TIMELESS: variants seen among roughly 807,000 people sequenced by gnomAD.
TIMELESS encodes protein timeless homolog.
Under a neutral mutation model 164.3 loss-of-function variants are expected in TIMELESS, and 124 were observed. That is an observed-to-expected ratio of 0.75 (90% CI 0.65 to 0.88). TIMELESS has a LOEUF of 0.88. Ranked by LOEUF, TIMELESS falls within the 40% of genes least tolerant of loss-of-function variation. The pLI is 0.00. For missense variants in TIMELESS, 1,422 were observed against 1,491.4 expected (o/e 0.95, Z 0.77); for synonymous variants, 564 against 563.4 (o/e 1.00, Z -0.02).
intron 19 of TIMELESS, among the ~76,000 whole-genome samples, chr12:56,422,495 G>C (rs912595506): frequency 1.3e-5 from 2 of 152,196 alleles, no homozygotes; most frequent in African/African-American, 4.8e-5. Context: ...GAGATACTAA[G>C]GGAAAGAGGA....
rs761755290 is a variant in TIMELESS, at chr12:56,425,041, C to T, written c.1690G>A (p.Ala564Thr). The T allele has an allele frequency of 1.2e-6, 2 of 1,614,208 alleles. No individual in the cohort carries two copies. The highest frequency in any genetic ancestry group is 1.7e-5 in the Admixed American group (1 of 60,034). Residue 564 changes from alanine (A) to threonine (T), a missense_variant, in exon 14 of 29, where the codon GCT (alanine) becomes ACT (threonine). Transcript: ENST00000553532. Reference sequence around the variant, plus strand: ...TGGGCACAGCACTGTAGCTGCTCAGCCAGGGCTGGCCACACAGCCTCCACT... The same window carrying T: ...TGGGCACAGCACTGTAGCTGCTCAGTCAGGGCTGGCCACACAGCCTCCACT... ...EEVEAVWPAL[A>T]EQLQCCAQNS...
chr12:56,426,765 G>A (rs1335948261), intron 13 of TIMELESS, among the ~76,000 whole-genome samples: 1 of 152,028 alleles, frequency 6.6e-6, no homozygotes, highest in Non-Finnish European at 1.5e-5. Context: ...TCACCATGTT[G>A]GCCAGGCTGG....
At chr12:56,426,447 C>T (rs1424221519) in intron 13 of TIMELESS, among the ~76,000 whole-genome samples, 1 of 148,818 alleles carries the variant, frequency 6.7e-6, no homozygotes, top group African/African-American at 2.5e-5. Context: ...AGTGCAATGG[C>T]GTGATCTCGG....
rs1380248304 is a variant in TIMELESS, at chr12:56,421,467, T to C, written c.2752A>G (p.Ile918Val). 3.1e-6 allele frequency: 5 copies of C among 1,613,884 alleles called. No homozygotes were observed. The highest frequency in any genetic ancestry group is 3.4e-6 in the Non-Finnish European group (4 of 1,179,942). Residue 918 changes from isoleucine to valine, a missense_variant, in exon 23 of 29, where the codon ATC (isoleucine) becomes GTC (valine). Ile to Val is a conservative substitution (Grantham distance 29). Coordinates refer to ENST00000553532, the MANE Select transcript of TIMELESS (RefSeq NM_003920.5). ...DDVLGHIMKN[I>V]TAKRSRARIV... The stretch of plus-strand genomic sequence containing the variant: ...CGGGCCCGTGAGCGTTTGGCTGTGA[T>C]ATTCTTCATGATATGACCCAGGACA...
chr12:56,444,966 T>C, intron 1 of TIMELESS, among the ~76,000 whole-genome samples: 1 of 151,220 alleles, frequency 6.6e-6, no homozygotes, highest in Non-Finnish European at 1.5e-5. Context: ...ATCTCGTATG[T>C]TAAACTGACT....
In TIMELESS at chr12:56,423,630, C is replaced by T; in HGVS notation, c.2044G>A (p.Val682Ile). ...TTAAATTCTTTCTCCGACACCTGGA[C>T]CACTTGCAACTCCTCCTCTTCCTCC... is the stretch of plus-strand genomic sequence containing the variant. ...EEEEEEELQV[V>I]QVSEKEFNFL... is the part of the protein sequence containing the mutation. The change falls in exon 17 of 29, where the codon GTC becomes ATC. Residue 682 changes from valine to isoleucine, a missense_variant. Transcript: ENST00000553532. 6.2e-7 allele frequency: 1 copy of T among 1,614,116 alleles called. No individual in the cohort carries two copies. The highest frequency in any genetic ancestry group is 8.5e-7 in the Non-Finnish European group (1 of 1,180,032).
chr12:56,421,849 G>T lies in TIMELESS; in HGVS notation c.2643-40C>A, dbSNP rs72478997. Reference sequence around the variant, plus strand: ...GTCAGTGGAAGAGGAAGCCCAGGAAGTGATCACGAGTCCCCATCCCAATAG... The same window carrying T: ...GTCAGTGGAAGAGGAAGCCCAGGAATTGATCACGAGTCCCCATCCCAATAG... On this transcript the variant is annotated intron_variant, in intron 21 of 28. Transcript: ENST00000553532. 1.8e-3 allele frequency: 2,967 copies of T among 1,613,430 alleles called. 56 individuals are homozygous for T. The African/African-American group carries it at 0.035, about 19-fold the overall frequency.
intron 26 of TIMELESS, among the ~76,000 whole-genome samples, chr12:56,418,905 C>T (rs1368838909): frequency 1.3e-5 from 2 of 150,938 alleles, no homozygotes; most frequent in Non-Finnish European, 2.9e-5. Flanking sequence ...TAAATAAATC[C>T]TGGGGATGTA....
rs553388240 is a variant in TIMELESS, at chr12:56,436,749, G to A, written c.-61-2518C>T. Among the ~76,000 whole-genome samples the A allele has an allele frequency of 2.7e-4, 41 of 152,214 alleles. No homozygotes were observed. The South Asian group carries it at 3.5e-3, about 13-fold the overall frequency. ...TTATTTTTCTCATTTCACTTCAGAC[G>A]GATGGAAATGTCATCATATATTAGT... is the stretch of plus-strand genomic sequence containing the variant. On this transcript the variant is annotated intron_variant, in intron 1 of 28. Transcript: ENST00000553532.
Position 56,431,511 on chromosome 12 carries a change from T to A in TIMELESS, c.781A>T (p.Met261Leu). ...AGGGCTCGAGTCTTCTTTTCTGCCA[T>A]CTCTCGCTGGCGCAACACCTCCAGT... The part of the protein sequence containing the change: ...AELEVLRQRE[M>L]AEKKTRALQR... Residue 261 changes from methionine (M) to leucine (L), a missense_variant, in exon 8 of 29, where the codon ATG becomes TTG. Met to Leu is a conservative substitution (Grantham distance 15). Transcript: ENST00000553532. The A allele has an allele frequency of 8.1e-6, 13 of 1,613,574 alleles. No individual in the cohort carries two copies. Among genetic ancestry groups the A allele is most frequent in the Non-Finnish European group, 1.1e-5 (13 of 1,179,884 alleles).
chr12:56,442,409 C>A (rs1386450407), intron 1 of TIMELESS, among the ~76,000 whole-genome samples: 1 of 152,068 alleles, frequency 6.6e-6, no homozygotes, highest in Non-Finnish European at 1.5e-5. Flanking sequence ...CAGCTGGAAC[C>A]AGCTTTATGG....
At chr12:56,448,937 G>A (rs1360911977) in intron 1 of TIMELESS, among the ~76,000 whole-genome samples, 3 of 152,136 alleles carry the variant, frequency 2.0e-5, no homozygotes, top group Non-Finnish European at 4.4e-5. Flanking sequence ...ACTGCTGACC[G>A]CCAGGCCACA....
chr12:56,429,810 C>T (rs1393115831), intron 10 of TIMELESS, among the ~76,000 whole-genome samples: 2 of 151,866 alleles, frequency 1.3e-5, no homozygotes, highest in African/African-American at 2.4e-5. Context: ...GCCACCACGC[C>T]GGGACACCGC....
At chr12:56,418,928 G>A (rs1021004589) in intron 26 of TIMELESS, among the ~76,000 whole-genome samples, 4 of 151,496 alleles carry the variant, frequency 2.6e-5, no homozygotes, top group African/African-American at 9.7e-5. Flanking sequence ...GGTGAATCAG[G>A]TATGATCCTT....
intron 1 of TIMELESS, 142 bp from the exon 2 acceptor site, chr12:56,434,373 C>T (rs1472761176): frequency 6.9e-6 from 4 of 576,616 alleles, no homozygotes; most frequent in African/African-American, 1.9e-5. Context: ...GTTCTGCTCT[C>T]AGCCCCAGAG....
chr12:56,421,849 G>A (rs72478997), intron 21 of TIMELESS, 40 bp from the exon 22 acceptor site: 43 of 1,613,436 alleles, frequency 2.7e-5, no homozygotes, highest in South Asian at 1.4e-4. Context: ...AGCCCAGGAA[G>A]TGATCACGAG....
rs1881306462 is a variant in TIMELESS, at chr12:56,417,627, G to A, written c.*89C>T. 1 of 1,295,826 alleles carries A rather than the reference G, an allele frequency of 7.7e-7. No individual in the cohort carries two copies. Among genetic ancestry groups the A allele is most frequent in the African/African-American group, 1.5e-5 (1 of 68,338 alleles). 80.3% of individuals were successfully genotyped at this position (1,295,826 alleles called of 1,614,324 possible). On this transcript the variant is annotated 3_prime_UTR_variant, in exon 29 of 29. Transcript: ENST00000553532. Reference sequence around the variant, plus strand: ...TCTACTGCTCTGTCCAGTAAGAGGAGCTTCTGGGTCCTGTATGACCCTTCC... The same window carrying A: ...TCTACTGCTCTGTCCAGTAAGAGGAACTTCTGGGTCCTGTATGACCCTTCC...
chr12:56,441,787 A>C (rs1592257254), intron 1 of TIMELESS, among the ~76,000 whole-genome samples: 1 of 152,120 alleles, frequency 6.6e-6, no homozygotes, highest in African/African-American at 2.4e-5. Flanking sequence ...GAAATTTAAG[A>C]AATGTAGATG....
chr12:56,421,028 G>A lies in TIMELESS; in HGVS notation c.2975C>T (p.Ala992Val). 1 of 1,614,176 alleles carries A rather than the reference G, an allele frequency of 6.2e-7. No individual in the cohort carries two copies. The part of the protein sequence containing the change: ...SEEEEEGGSE[A>V]EQVQGSLVLS... ...GACTAAGCTACCCTGGACTTGTTCTGCTTCTGAGCCCCCTTCTTCTTCCTC... is the reference window on the plus strand; with the variant it reads ...GACTAAGCTACCCTGGACTTGTTCTACTTCTGAGCCCCCTTCTTCTTCCTC... The change falls in exon 24 of 29, where the codon GCA (alanine) becomes GTA (valine). Residue 992 changes from alanine to valine, a missense_variant. Physicochemically the swap from Ala to Val is moderately conservative, Grantham distance 64. Transcript: ENST00000553532.
Sources: gnomAD v4.1 joint callset for allele counts (sites outside exome capture counted in the v4.1 genomes callset) on GRCh38, gnomAD v4.1.1 for gene constraint, MANE v1.5 for transcripts, NCBI Gene and HGNC (gene_info 2026-07-23, HGNC 2026-07-21) for gene names.